The following SLC2A9 variants were observed in gnomAD, a reference collection of about 807,000 sequenced individuals.
The protein encoded by SLC2A9 is solute carrier family 2 member 9.
Under a neutral mutation model 50.6 loss-of-function variants are expected in SLC2A9, and 39 were observed. The observed-to-expected ratio is 0.77, with a 90% CI of 0.60 to 1.01. The LOEUF is 1.01. Ranked by LOEUF, SLC2A9 falls within the 50% of genes least tolerant of loss-of-function variation. SLC2A9 has a pLI of 0.00. For synonymous variants in SLC2A9, 324 were observed against 276.9 expected (o/e 1.17, Z -1.69); for missense variants, 686 against 677.6 (o/e 1.01, Z -0.14).
At chr4:9,934,028 A>G (rs140683025) in intron 6 of SLC2A9, among the ~76,000 whole-genome samples, 284 of 152,310 alleles carry the variant, frequency 1.9e-3, no homozygotes, top group African/African-American at 6.5e-3. Flanking sequence ...GAGCAGCCTT[A>G]ATTCCATCTG....
chr4:9,896,240 A>C (rs1560261616), intron 8 of SLC2A9, among the ~76,000 whole-genome samples: 2 of 152,178 alleles, frequency 1.3e-5, no homozygotes, highest in East Asian at 3.8e-4. Flanking sequence ...CCTTCCTGTT[A>C]CTCCACATCC....
chr4:9,821,355 GA>G (rs1724372137), downstream of SLC2A9, among the ~76,000 whole-genome samples: 1 of 150,942 alleles, frequency 6.6e-6, no homozygotes. Flanking sequence ...CCTTTGGATG[GA>G]TGAAGCTGGA....
At chr4:9,960,149 G>T (rs2108920942) in intron 5 of SLC2A9, among the ~76,000 whole-genome samples, 1 of 152,312 alleles carries the variant, frequency 6.6e-6, no homozygotes, top group African/African-American at 2.4e-5. Context: ...TTTGAAATCT[G>T]CCAGAAGCAA....
At chr4:9,987,987 C>A (rs1229790592) in intron 3 of SLC2A9, among the ~76,000 whole-genome samples, 1 of 152,228 alleles carries the variant, frequency 6.6e-6, no homozygotes. Context: ...TAGCGTTTCC[C>A]CCCTGGGGGA....
chr4:9,781,964 G>T, intron 3 of SLC2A9: 16 of 1,333,078 alleles, frequency 1.2e-5, no homozygotes, highest in Non-Finnish European at 1.4e-5. Flanking sequence ...GCCCGATGGG[G>T]CTGCCTGGGG....
chr4:9,797,153 G>T (rs61121804), downstream of SLC2A9, among the ~76,000 whole-genome samples: 677 of 152,284 alleles, frequency 4.4e-3, 5 homozygotes, highest in African/African-American at 0.015. Flanking sequence ...TCTGCTCTCT[G>T]CTCTCAAGGG....
intron 3 of SLC2A9, among the ~76,000 whole-genome samples, chr4:9,792,350 T>G (rs1034854096): frequency 8.0e-5 from 12 of 150,840 alleles, no homozygotes; most frequent in Non-Finnish European, 1.6e-4. Flanking sequence ...ATAGTTTTTT[T>G]TTTTTTTTTT....
At chr4:9,875,949 A>G (rs565284397) in intron 10 of SLC2A9, among the ~76,000 whole-genome samples, 1 of 152,366 alleles carries the variant, frequency 6.6e-6, no homozygotes, top group African/African-American at 2.4e-5. Context: ...GCCATAGGCA[A>G]GAGCACATCA....
chr4:9,927,582 G>A (rs548646304), intron 6 of SLC2A9, among the ~76,000 whole-genome samples: 1 of 152,182 alleles, frequency 6.6e-6, no homozygotes, highest in African/African-American at 2.4e-5. Context: ...TCTAAAAATA[G>A]GAGATTTCAT....
At chr4:9,935,786 G>C (rs1471770027) in intron 6 of SLC2A9, among the ~76,000 whole-genome samples, 1 of 152,208 alleles carries the variant, frequency 6.6e-6, no homozygotes, top group African/African-American at 2.4e-5. Context: ...AGTCAAACCT[G>C]ATGGGTCCCA....
chr4:10,018,589 T>TAGATAGATAGATAGATAGATAAAC (rs1553915108), intron 2 of SLC2A9, among the ~76,000 whole-genome samples: 1,528 of 150,838 alleles, frequency 0.01, 12 homozygotes, highest in East Asian at 0.064. Context: ...GATAGATAGA[T>TAGATAGATAGATAGATAGATAAAC]AACAACAACA....
intron 3 of SLC2A9, among the ~76,000 whole-genome samples, chr4:9,812,611 T>C (rs909653395): frequency 3.3e-5 from 5 of 152,166 alleles, no homozygotes; most frequent in African/African-American, 1.2e-4. Flanking sequence ...TGCATCTAGA[T>C]GCAACATGCT....
chr4:9,965,887 A>T (rs1487943863), intron 5 of SLC2A9, among the ~76,000 whole-genome samples: 1 of 152,256 alleles, frequency 6.6e-6, no homozygotes, highest in African/African-American at 2.4e-5. Context: ...GATTTTTACG[A>T]AAGTAGTTAA....
intron 2 of SLC2A9, among the ~76,000 whole-genome samples, chr4:10,002,158 C>T (rs1289040933): frequency 6.6e-6 from 1 of 152,214 alleles, no homozygotes; most frequent in South Asian, 2.1e-4. Flanking sequence ...ATAGGACCAG[C>T]TCTGGGAGTG....
intron 6 of SLC2A9, among the ~76,000 whole-genome samples, chr4:9,925,875 G>A (rs1004605377): frequency 5.9e-5 from 9 of 152,242 alleles, no homozygotes; most frequent in Non-Finnish European, 7.4e-5. Context: ...GTATCTGTTC[G>A]GTGTTCTCCC....
At chr4:9,962,967 T>C (rs1695694731) in intron 5 of SLC2A9, among the ~76,000 whole-genome samples, 1 of 152,230 alleles carries the variant, frequency 6.6e-6, no homozygotes, top group African/African-American at 2.4e-5. Context: ...TTTGGCTAAT[T>C]GTCCTCCAGA....
At chr4:9,928,759 C>A (rs1745363660) in intron 6 of SLC2A9, among the ~76,000 whole-genome samples, 5 of 152,040 alleles carry the variant, frequency 3.3e-5, no homozygotes, top group Admixed American at 2.6e-4. Context: ...AACAAACAAA[C>A]AAAAAACTCT....
chr4:10,004,795 G>A (rs1429157945), intron 2 of SLC2A9, among the ~76,000 whole-genome samples: 1 of 152,226 alleles, frequency 6.6e-6, no homozygotes, highest in Non-Finnish European at 1.5e-5. Flanking sequence ...AAGTCATGAA[G>A]GCTTGGAGAT....
chr4:9,802,830 C>G (rs1721632265), intron 3 of SLC2A9, among the ~76,000 whole-genome samples: 1 of 152,180 alleles, frequency 6.6e-6, no homozygotes, highest in Non-Finnish European at 1.5e-5. Flanking sequence ...TCCCAAAGTG[C>G]TGGGATTACA....
Sources: allele counts gnomAD v4.1 joint callset (sites outside exome capture counted in the v4.1 genomes callset), GRCh38; gene constraint gnomAD v4.1.1; transcripts MANE v1.5; gene names NCBI Gene and HGNC (gene_info 2026-07-23, HGNC 2026-07-21).